Variants in ZSWIM6 observed in about 807,000 individuals in gnomAD.
The protein encoded by ZSWIM6 is zinc finger SWIM-type containing 6, also known as zinc finger SWIM domain-containing protein 6.
Under a neutral mutation model 113.2 loss-of-function variants are expected in ZSWIM6, and 9 were observed. The observed-to-expected ratio is 0.08, with a 90% CI of 0.05 to 0.14. ZSWIM6 has a LOEUF of 0.14. ZSWIM6 is among the 10% of genes least tolerant of loss of function. ZSWIM6 has a pLI of 1.00. For synonymous variants in ZSWIM6, 611 were observed against 606.5 expected (o/e 1.01, Z -0.11); for missense variants, 1,162 against 1,552.2 (o/e 0.75, Z 4.22).
intron 1 of ZSWIM6, among the ~76,000 whole-genome samples, chr5:61,333,180 ACGCGCCCCTCCGTGGGCTC>A (rs1744304624): frequency 6.6e-6 from 1 of 151,530 alleles, no homozygotes; most frequent in East Asian, 2.0e-4. Context: ...AATCAGCAGG[ACGCGCCCCTCCGTGGGCTC>A]CGCGCCCCCG....
At chr5:61,353,538 G>A (rs1430632799) in intron 1 of ZSWIM6, among the ~76,000 whole-genome samples, 1 of 152,156 alleles carries the variant, frequency 6.6e-6, no homozygotes, top group Non-Finnish European at 1.5e-5. Flanking sequence ...TCCTTGGTCT[G>A]TGATACCATT....
At chr5:61,433,549 C>T (rs981667762) in intron 1 of ZSWIM6, among the ~76,000 whole-genome samples, 3 of 151,534 alleles carry the variant, frequency 2.0e-5, no homozygotes, top group East Asian at 1.9e-4. Flanking sequence ...CTTGGCTCAC[C>T]GCAACCTCCG....
intron 1 of ZSWIM6, among the ~76,000 whole-genome samples, chr5:61,438,610 C>G (rs1746761133): frequency 6.6e-6 from 1 of 152,124 alleles, no homozygotes; most frequent in Non-Finnish European, 1.5e-5. Flanking sequence ...TCAGAGCAAA[C>G]AGGCAATGAA....
chr5:61,391,671 C>A, intron 1 of ZSWIM6: 1 of 1,032,534 alleles, frequency 9.7e-7, no homozygotes, highest in South Asian at 1.3e-5. Context: ...CCTTCTTGTT[C>A]ACCTTGGATC....
intron 1 of ZSWIM6, among the ~76,000 whole-genome samples, chr5:61,447,914 G>T (rs886368385): frequency 2.0e-5 from 3 of 152,148 alleles, no homozygotes; most frequent in Admixed American, 1.3e-4. Flanking sequence ...AACCATGTGT[G>T]CTAAAATAGG....
At chr5:61,408,732 G>A (rs1173768169) in intron 1 of ZSWIM6, among the ~76,000 whole-genome samples, 1 of 152,272 alleles carries the variant, frequency 6.6e-6, no homozygotes, top group Non-Finnish European at 1.5e-5. Context: ...GAGCTCAGGA[G>A]TCTGGCTGCC....
chr5:61,456,752 A>G (rs1747212444), intron 1 of ZSWIM6, among the ~76,000 whole-genome samples: 1 of 152,218 alleles, frequency 6.6e-6, no homozygotes, highest in East Asian at 1.9e-4. Context: ...AAAGAGAACC[A>G]GTTAGACCAG....
chr5:61,353,881 G>A (rs1744841973), intron 1 of ZSWIM6, among the ~76,000 whole-genome samples: 1 of 152,212 alleles, frequency 6.6e-6, no homozygotes, highest in African/African-American at 2.4e-5. Context: ...CAGTAGAGGT[G>A]CACACACCTC....
rs112727774 is a variant in ZSWIM6, at chr5:61,423,915, G to T, written c.677-48766G>T. Among the ~76,000 whole-genome samples, 68 of 152,206 alleles carry T rather than the reference G, an allele frequency of 4.5e-4. 1 individual carries two copies. Among genetic ancestry groups the T allele is most frequent in the African/African-American group, 1.6e-3 (67 of 41,522 alleles). On this transcript the variant is annotated intron_variant, in intron 1 of 13. Coordinates refer to ENST00000252744, the MANE Select transcript of ZSWIM6 (RefSeq NM_020928.2). The stretch of plus-strand genomic sequence containing the variant: ...ATCCCTCAAAAGCCACCTCCTCAAT[G>T]AACCTTTAGTTGCCTCCTCTCCCCC...
At chr5:61,407,894 C>G (rs556139722) in intron 1 of ZSWIM6, among the ~76,000 whole-genome samples, 133 of 152,318 alleles carry the variant, frequency 8.7e-4, no homozygotes, top group African/African-American at 3.0e-3. Context: ...TCCTCCTGCA[C>G]TGCTGGTGGG....
chr5:61,515,454 G>A (rs1748907810), intron 4 of ZSWIM6, among the ~76,000 whole-genome samples: 1 of 152,090 alleles, frequency 6.6e-6, no homozygotes. Flanking sequence ...CCATGACACA[G>A]GACAGAAGGG....
chr5:61,454,331 C>T (rs1009875111), intron 1 of ZSWIM6, among the ~76,000 whole-genome samples: 1 of 151,626 alleles, frequency 6.6e-6, no homozygotes, highest in Admixed American at 6.6e-5. Context: ...TTATGGTTTA[C>T]TGCAGCCTCA....
At chr5:61,466,079 G>A (rs1369459216) in intron 1 of ZSWIM6, among the ~76,000 whole-genome samples, 2 of 152,114 alleles carry the variant, frequency 1.3e-5, no homozygotes, top group Non-Finnish European at 2.9e-5. Flanking sequence ...GGGCCCTTAT[G>A]TTGTTTGTTC....
At chr5:61,404,696 C>T (rs1009890845) in intron 1 of ZSWIM6, among the ~76,000 whole-genome samples, 6 of 152,236 alleles carry the variant, frequency 3.9e-5, no homozygotes, top group African/African-American at 1.4e-4. Context: ...TTCACCGCCT[C>T]CTTTAGCCTT....
chr5:61,486,307 A>G (rs772770735), intron 2 of ZSWIM6, among the ~76,000 whole-genome samples: 2 of 152,052 alleles, frequency 1.3e-5, no homozygotes, highest in Non-Finnish European at 2.9e-5. Flanking sequence ...TTTATGGCCA[A>G]ATAGTATTTC....
intron 1 of ZSWIM6, among the ~76,000 whole-genome samples, chr5:61,377,430 T>TA (rs761616642): frequency 3.7e-4 from 57 of 152,116 alleles, no homozygotes; most frequent in Non-Finnish European, 6.8e-4. Flanking sequence ...TTAGATTGTA[T>TA]AAAAAATAAA....
intron 5 of ZSWIM6, among the ~76,000 whole-genome samples, chr5:61,522,014 A>G (rs1288212252): frequency 1.3e-5 from 2 of 151,704 alleles, no homozygotes; most frequent in Admixed American, 1.3e-4. Flanking sequence ...GTGCCCTCCA[A>G]GTTTTGGGAC....
chr5:61,379,607 GCT>G (rs1745438397), intron 1 of ZSWIM6, among the ~76,000 whole-genome samples: 1 of 152,116 alleles, frequency 6.6e-6, no homozygotes, highest in South Asian at 2.1e-4. Context: ...ACTGAAAACA[GCT>G]CTTTTAGGAA....
intron 1 of ZSWIM6, among the ~76,000 whole-genome samples, chr5:61,336,965 C>G (rs1744412487): frequency 6.6e-6 from 1 of 152,070 alleles, no homozygotes; most frequent in African/African-American, 2.4e-5. Context: ...GGTAAACATA[C>G]TCATCTTCAT....
Sources: gnomAD v4.1 joint callset for allele counts (sites outside exome capture counted in the v4.1 genomes callset) on GRCh38, gnomAD v4.1.1 for gene constraint, MANE v1.5 for transcripts, NCBI Gene and HGNC (gene_info 2026-07-23, HGNC 2026-07-21) for gene names.